Variants in FAM24A observed in about 807,000 individuals in gnomAD.
The protein encoded by FAM24A is protein FAM24A.
Under a neutral mutation model 2.8 loss-of-function variants are expected in FAM24A, and 2 were observed. The ratio of observed to expected loss-of-function variants is 0.73; its 90% CI spans 0.30 to 2.28. The LOEUF is 2.28. Ranked by LOEUF, FAM24A falls within the 30% of genes most tolerant of loss-of-function variation. The pLI, the probability that FAM24A is intolerant of heterozygous loss-of-function variation, is 0.12. For synonymous variants in FAM24A, 46 were observed against 47.5 expected (o/e 0.97, Z 0.13); for missense variants, 109 against 132.0 (o/e 0.83, Z 0.85).
Position 122,911,762 on chromosome 10 carries a change from GAGTCAT to G in FAM24A, c.125+4_125+9del. The G allele has an allele frequency of 6.2e-7, 1 of 1,614,022 alleles. No homozygotes were observed. Among genetic ancestry groups the G allele is most frequent in the African/African-American group, 1.3e-5 (1 of 75,048 alleles). On this transcript the variant is annotated splice_donor_5th_base_variant and intron_variant, in intron 2 of 2. Coordinates refer to ENST00000368894, the MANE Select transcript of FAM24A (RefSeq NM_001029888.3). ...TTCAAAGTAGCTAAGGCACTAAAGT[GAGTCAT>G]GTGGGGGAAAATGAATTACACCTCC...
At chr10:122,910,920 T>C (rs905828033) in intron 1 of FAM24A, 101 bp downstream of exon 1, 3 of 152,162 alleles carry the variant, frequency 2.0e-5, no homozygotes, top group African/African-American at 7.2e-5. Context: ...TCCAAACAAA[T>C]TGGGTTTCCT....
intron 2 of FAM24A, 28 bp downstream of exon 2, chr10:122,911,787 C>T: frequency 6.2e-7 from 1 of 1,613,358 alleles, no homozygotes; most frequent in African/African-American, 1.3e-5. Flanking sequence ...AAATGAATTA[C>T]ACCTCCTCAA....
At position 122,911,719 on chromosome 10, in the gene FAM24A, G is replaced by A. The variant is rs1446465780; in HGVS notation, c.85G>A (p.Val29Ile). ...GGTTGCCGCGATGGTGCTCCTAAGT[G>A]TTGTGTTCTGTCTTTACTTCAAAGT... ...LLVAAMVLLS[V>I]VFCLYFKVAK... The change falls in exon 2 of 3, where the codon GTT becomes ATT. Residue 29 changes from valine (V) to isoleucine (I), a missense_variant. Coordinates refer to ENST00000368894, the MANE Select transcript of FAM24A (RefSeq NM_001029888.3). 12 of 1,614,034 alleles carry A rather than the reference G, an allele frequency of 7.4e-6. No homozygotes were observed. The highest frequency in any genetic ancestry group is 2.2e-5 in the South Asian group (2 of 91,090).
chr10:122,912,293 G>A (rs1393464748), intron 2 of FAM24A, among the ~76,000 whole-genome samples: 3 of 152,050 alleles, frequency 2.0e-5, no homozygotes, highest in African/African-American at 7.2e-5. Context: ...AGGACTCTGG[G>A]ACAGCTGACA....
At chr10:122,911,288 G>T (rs1848315647) in intron 1 of FAM24A, among the ~76,000 whole-genome samples, 1 of 152,082 alleles carries the variant, frequency 6.6e-6, no homozygotes. Context: ...GACCCTCTGA[G>T]TGAACATATT....
At chr10:122,911,187 T>C (rs1364955970) in intron 1 of FAM24A, among the ~76,000 whole-genome samples, 1 of 152,244 alleles carries the variant, frequency 6.6e-6, no homozygotes, top group African/African-American at 2.4e-5. Flanking sequence ...GATTTTCATA[T>C]TCTCAGTATT....
intron 2 of FAM24A, 113 bp from the exon 3 acceptor site, chr10:122,912,649 G>C (rs1848330603): frequency 4.3e-6 from 4 of 922,896 alleles, no homozygotes; most frequent in Non-Finnish European, 6.7e-6. Context: ...TGTAGGGCTG[G>C]TGTTCATGTT....
intron 2 of FAM24A, 123 bp from the exon 3 acceptor site, chr10:122,912,639 T>C: frequency 1.2e-6 from 1 of 844,520 alleles, no homozygotes; most frequent in South Asian, 1.7e-5. Context: ...AGAGCCTTAA[T>C]GTAGGGCTGG....
In FAM24A at chr10:122,911,863, G is replaced by A. The variant is rs77069200; in HGVS notation, c.125+104G>A. 43,383 of 1,426,408 alleles carry A rather than the reference G, an allele frequency of 0.03. 784 individuals are homozygous for A. Among genetic ancestry groups the A allele is most frequent in the Middle Eastern group, 0.049 (268 of 5,448 alleles). 88.4% of individuals were successfully genotyped at this position (1,426,408 alleles called of 1,614,324 possible). A position where few individuals can be genotyped will look rare whatever the true frequency, so the allele number is the denominator to read the frequency against. On this transcript the variant is annotated intron_variant, in intron 2 of 2. Coordinates refer to ENST00000368894, the MANE Select transcript of FAM24A (RefSeq NM_001029888.3). ...TTCTGCTGTGGCCATACCCCTGAGT[G>A]AGTGAGGACAAGAACAAGAAGCAGT...
Position 122,911,695 on chromosome 10 carries a change from G to GTGCTTAC in FAM24A, c.62_63insGCTTACT (p.Ala22LeufsTer20). 1 of 1,614,176 alleles carries GTGCTTAC rather than the reference G, an allele frequency of 6.2e-7. No homozygotes were observed. The highest frequency in any genetic ancestry group is 8.5e-7 in the Non-Finnish European group (1 of 1,180,038). ...GATCGGCATCGGAAGCAGCTTACTG[G>GTGCTTAC]TTGCCGCGATGGTGCTCCTAAGTGT... On this transcript the variant is annotated frameshift_variant, in exon 2 of 3. Coordinates refer to ENST00000368894, the MANE Select transcript of FAM24A (RefSeq NM_001029888.3). LOFTEE classifies it high-confidence loss of function.
intron 1 of FAM24A, 126 bp from the exon 2 acceptor site, chr10:122,911,505 ACT>A (rs1198486081): frequency 1.5e-5 from 20 of 1,374,034 alleles, no homozygotes; most frequent in Non-Finnish European, 1.8e-5. Flanking sequence ...GGATCCTAGG[ACT>A]CTCTGGAAAG....
chr10:122,911,248 A>G (rs984542806), intron 1 of FAM24A, among the ~76,000 whole-genome samples: 1 of 152,236 alleles, frequency 6.6e-6, no homozygotes, highest in Non-Finnish European at 1.5e-5. Flanking sequence ...AAATAATTTT[A>G]AACCTAATAT....
At chr10:122,911,822 G>A in intron 2 of FAM24A, 63 bp downstream of exon 2, 1 of 1,599,378 alleles carries the variant, frequency 6.3e-7, no homozygotes, top group South Asian at 1.1e-5. Flanking sequence ...CTCCCTATTT[G>A]AGCAAGGTCA....
chr10:122,913,002 T>C lies in FAM24A; in HGVS notation c.*48T>C, dbSNP rs1848335518. The stretch of plus-strand genomic sequence containing the variant: ...ATCTTCATGAGCAATATTTCTTTCT[T>C]AATAGAATGTTTTATTATTCAAGTC... On this transcript the variant is annotated 3_prime_UTR_variant, in exon 3 of 3. Transcript: ENST00000368894. 6.6e-7 allele frequency: 1 copy of C among 1,510,964 alleles called. No homozygotes were observed. The highest frequency in any genetic ancestry group is 9.0e-7 in the Non-Finnish European group (1 of 1,114,030). 93.6% of individuals were successfully genotyped at this position (1,510,964 alleles called of 1,614,324 possible).
rs779387808 is a variant in FAM24A at position 122,912,791 on chromosome 10, T to TA, written c.161dup (p.Asn54LysfsTer30). On this transcript the variant is annotated frameshift_variant, in exon 3 of 3. Coordinates refer to ENST00000368894, the MANE Select transcript of FAM24A (RefSeq NM_001029888.3). LOFTEE classifies it low-confidence loss of function (END_TRUNC). ...GCAAAGGACCCTGATGCTGTGGCTG[T>TA]AAAAAATCACAACCCAGACAAGGTG... The TA allele has an allele frequency of 2.5e-6, 4 of 1,613,534 alleles. No individual in the cohort carries two copies. The African/African-American group carries it at 5.3e-5, about 22-fold the overall frequency.
chr10:122,912,111 T>TC (rs1318846712), intron 2 of FAM24A, among the ~76,000 whole-genome samples: 2 of 152,214 alleles, frequency 1.3e-5, no homozygotes, highest in African/African-American at 2.4e-5. Context: ...GGCCAGTACC[T>TC]CCCCTGGGCA....
In FAM24A at chr10:122,912,943, G is replaced by A. The variant is rs765148345; in HGVS notation, c.307G>A (p.Glu103Lys). Residue 103 changes from glutamate (E) to lysine (K), a missense_variant, in exon 3 of 3, where the codon GAG (glutamate) becomes AAG (lysine). Transcript: ENST00000368894. ...SLPPCCCDIN[E>K]GL ...GCCACCTTGCTGTTGTGACATAAAT[G>A]AGGGCCTCTGACTTGGGAAAGCTGG... 24 of 1,604,086 alleles carry A rather than the reference G, an allele frequency of 1.5e-5. No homozygotes were observed. Among genetic ancestry groups the A allele is most frequent in the South Asian group, 9.1e-5 (8 of 88,232 alleles).
At chr10:122,912,712 G>A (rs1848331210) in intron 2 of FAM24A, 50 bp from the exon 3 acceptor site, 1 of 1,550,404 alleles carries the variant, frequency 6.4e-7, no homozygotes, top group Non-Finnish European at 8.7e-7. Context: ...TCTAACAAAT[G>A]GACTGAGAAG....
At chr10:122,911,834 T>A in intron 2 of FAM24A, 75 bp downstream of exon 2, 2 of 1,581,534 alleles carry the variant, frequency 1.3e-6, no homozygotes, top group Non-Finnish European at 1.7e-6. Flanking sequence ...GCAAGGTCAT[T>A]CCTTTCTGCT....
Sources: gnomAD v4.1 joint callset for allele counts (sites outside exome capture counted in the v4.1 genomes callset) on GRCh38, gnomAD v4.1.1 for gene constraint, MANE v1.5 for transcripts, NCBI Gene and HGNC (gene_info 2026-07-23, HGNC 2026-07-21) for gene names.